ANO1: variants seen among roughly 807,000 people sequenced by gnomAD.
The protein encoded by ANO1 is anoctamin-1.
In ANO1, 59 loss-of-function variants were observed where a neutral mutation model predicts 124.0. The observed-to-expected ratio is 0.48, with a 90% confidence interval of 0.39 to 0.59. The LOEUF is 0.59. Among genes scored for constraint, ANO1 ranks in the 20% least tolerant of loss-of-function variants. The pLI is 0.00. For missense variants in ANO1, 1,059 were observed against 1,328.0 expected, an observed-to-expected ratio of 0.80 and a Z score of 3.15; for synonymous variants, 529 against 532.0, an observed-to-expected ratio of 0.99 and a Z score of 0.08.
At chr11:70,112,600 C>G (rs1048594967) in intron 7 of ANO1, among the ~76,000 whole-genome samples, 1 of 150,528 alleles carries the variant, frequency 6.6e-6, no homozygotes, top group Admixed American at 6.6e-5. Flanking sequence ...CTCTGTCATC[C>G]AGGCTGGAGT....
At chr11:70,006,561 T>C (rs191426972) in intron 1 of ANO1, among the ~76,000 whole-genome samples, 1 of 112,610 alleles carries the variant, frequency 8.9e-6, no homozygotes. Flanking sequence ...TTTCTTTCTT[T>C]CTTTTCTTTC....
chr11:70,057,781 C>T (rs1463953980), intron 1 of ANO1, among the ~76,000 whole-genome samples: 1 of 152,126 alleles, frequency 6.6e-6, no homozygotes, highest in African/African-American at 2.4e-5. Flanking sequence ...TTTTGTGGTT[C>T]GTCAGTTGCT....
At chr11:70,108,158 C>A (rs2135388649) in intron 5 of ANO1, 195 bp from the exon 6 acceptor site, 1 of 519,482 alleles carries the variant, frequency 1.9e-6, no homozygotes, top group Non-Finnish European at 3.4e-6. Context: ...GAAGCTCAAG[C>A]CTTTGACAGT....
chr11:70,129,630 T>C (rs1159469757), intron 10 of ANO1: 3 of 29,638 alleles, frequency 1.0e-4, no homozygotes, highest in Non-Finnish European at 2.6e-4. Context: ...CCCCCCGCCT[T>C]TTTTTTTTTT....
chr11:70,105,714 C>G lies in ANO1; in HGVS notation c.693-20C>G. The G allele has an allele frequency of 1.2e-6, 2 of 1,612,746 alleles. No homozygotes were observed. Among genetic ancestry groups the G allele is most frequent in the Non-Finnish European group, 1.7e-6 (2 of 1,178,982 alleles). On this transcript the variant is annotated intron_variant, in intron 4 of 25. Coordinates refer to ENST00000355303, the MANE Select transcript of ANO1 (RefSeq NM_018043.7). ...AGCTCTGGTGAACTGTGTCTTGTTT[C>G]CTTCCCGATATTTCCACAGATTTGA...
At position 70,085,860 on chromosome 11, in the gene ANO1, G is replaced by A. The variant is rs147029264; in HGVS notation, c.109-1892G>A. 9.0e-3 allele frequency among the ~76,000 whole-genome samples: 1,376 copies of A among 152,362 alleles called. 15 individuals carry two copies. Among genetic ancestry groups the A allele is most frequent in the African/African-American group, 0.031 (1,292 of 41,580 alleles). The stretch of plus-strand genomic sequence containing the variant: ...GGGTTGTATACAGCCCACCTGCCTC[G>A]AATGAGGGATTCTGCCTGCCCCTTT... On this transcript the variant is annotated intron_variant, in intron 1 of 25. Coordinates refer to ENST00000355303, the MANE Select transcript of ANO1 (RefSeq NM_018043.7).
Position 70,035,634 on chromosome 11 carries a change from A to G in ANO1, c.59-42908A>G, listed in dbSNP as rs960133440. On this transcript the variant is annotated intron_variant, in intron 1 of 27. Coordinates refer to the ANO1 transcript ENST00000531349. ...TGCTGCACCCATCAACTCATCATCT[A>G]AGTTTTAAGCCCTGCATGCATTAGG... 1.6e-4 allele frequency among the ~76,000 whole-genome samples: 24 copies of G among 151,682 alleles called. 1 individual carries two copies. Among genetic ancestry groups the G allele is most frequent in the Admixed American group, 1.5e-3 (23 of 15,230 alleles).
chr11:70,033,624 T>C (rs2135036527), intron 1 of ANO1, among the ~76,000 whole-genome samples: 1 of 152,208 alleles, frequency 6.6e-6, no homozygotes, highest in Non-Finnish European at 1.5e-5. Context: ...AAAGCTTTGT[T>C]GGATGGATGG....
At chr11:69,995,653 A>T (rs1177525397) in intron 1 of ANO1, among the ~76,000 whole-genome samples, 4 of 151,926 alleles carry the variant, frequency 2.6e-5, no homozygotes, top group Non-Finnish European at 5.9e-5. Flanking sequence ...TTCAGCTGGG[A>T]TTATTAGTTT....
At chr11:69,990,513 G>T (rs1856133763) in intron 1 of ANO1, among the ~76,000 whole-genome samples, 1 of 152,186 alleles carries the variant, frequency 6.6e-6, no homozygotes, top group African/African-American at 2.4e-5. Flanking sequence ...ATACCTAGAA[G>T]TAAAATTGCT....
At chr11:70,137,956 G>C (rs146290842) in intron 11 of ANO1, among the ~76,000 whole-genome samples, 1 of 147,722 alleles carries the variant, frequency 6.8e-6, no homozygotes, top group African/African-American at 2.4e-5. Context: ...TTTTGAAAAC[G>C]TAGCCTTGGG....
rs200748172 is a variant in ANO1, at chr11:70,174,068, T to C, written c.2350+3029T>C. On this transcript the variant is annotated intron_variant, in intron 22 of 25. Transcript: ENST00000355303. ...CTCCTGCCTCAGCCTCCTGAGTAGC[T>C]GGGACTACAGGTGCCCGCCACCACG... is the stretch of plus-strand genomic sequence containing the variant. Among the ~76,000 whole-genome samples, 372 of 150,194 alleles carry C rather than the reference T, an allele frequency of 2.5e-3. 4 individuals are homozygous for C. The East Asian group carries it at 0.029, about 12-fold the overall frequency.
intron 22 of ANO1, among the ~76,000 whole-genome samples, chr11:70,177,117 T>C (rs966877236): frequency 5.0e-4 from 76 of 152,300 alleles, no homozygotes; most frequent in East Asian, 1.9e-4. Flanking sequence ...TCTGGGCCGG[T>C]TGGGCGATCA....
intron 1 of ANO1, among the ~76,000 whole-genome samples, chr11:70,070,599 C>A (rs1221194887): frequency 6.6e-6 from 1 of 152,206 alleles, no homozygotes; most frequent in Admixed American, 6.5e-5. Flanking sequence ...TTTCTTGAAT[C>A]CAGAAGGCAG....
chr11:70,003,756 A>G (rs11236278), intron 1 of ANO1, among the ~76,000 whole-genome samples: 73,882 of 151,878 alleles, frequency 0.49, 19,233 homozygotes, highest in East Asian at 0.89. Flanking sequence ...CTCCAATCCT[A>G]GAAACATATC....
chr11:70,160,174 A>G lies in ANO1; in HGVS notation c.1579-987A>G, dbSNP rs114894724. 7.2e-3 allele frequency among the ~76,000 whole-genome samples: 1,103 copies of G among 152,198 alleles called. 19 individuals are homozygous for G. Among genetic ancestry groups the G allele is most frequent in the African/African-American group, 0.025 (1,059 of 41,534 alleles). On this transcript the variant is annotated intron_variant, in intron 16 of 25. Coordinates refer to ENST00000355303, the MANE Select transcript of ANO1 (RefSeq NM_018043.7). Reference sequence around the variant, plus strand: ...CCGGACCTGCCCTCTGCACCCTTGCATGGGAGCAAATATGCGATTTCCTGG... The same window carrying G: ...CCGGACCTGCCCTCTGCACCCTTGCGTGGGAGCAAATATGCGATTTCCTGG...
intron 12 of ANO1, among the ~76,000 whole-genome samples, chr11:70,151,146 T>A (rs1404202701): frequency 1.3e-5 from 2 of 152,248 alleles, no homozygotes; most frequent in African/African-American, 4.8e-5. Flanking sequence ...CTTGATGGCA[T>A]TTGTAGGGTC....
chr11:70,182,663 G>A lies in ANO1; in HGVS notation c.2565G>A (p.Leu855=), dbSNP rs748485583. Residue 855 remains leucine, a synonymous_variant, in exon 24 of 26, where the codon CTG becomes CTA. Transcript: ENST00000355303. The stretch of plus-strand genomic sequence containing the variant: ...CGGCCCCCAATGACCCCCTGGACCT[G>A]GGCTACGAGGTGCAGATCTGCAGGT... ...NGTAPNDPLD[L]GYEVQICRYK... is the part of the protein sequence containing the mutation. 5.6e-6 allele frequency: 9 copies of A among 1,603,686 alleles called. No homozygotes were observed. In the South Asian group the frequency reaches 9.0e-5, roughly 16 times the overall value.
intron 21 of ANO1, chr11:70,170,035 C>A: frequency 2.5e-6 from 1 of 398,970 alleles, no homozygotes; most frequent in South Asian, 1.8e-5. Flanking sequence ...AGGCAGCTCC[C>A]GGGTGGGATG....
Sources: allele counts gnomAD v4.1 joint callset (sites outside exome capture counted in the v4.1 genomes callset), GRCh38; gene constraint gnomAD v4.1.1; transcripts MANE v1.5; gene names NCBI Gene and HGNC (gene_info 2026-07-23, HGNC 2026-07-21).